Variants in NOL6 observed in about 807,000 individuals in gnomAD.
NOL6 encodes nucleolar protein 6, also known as nucleolar RNA-associated protein.
In NOL6, 33 loss-of-function variants were observed where a neutral mutation model predicts 131.7. The ratio of observed to expected loss-of-function variants is 0.25; its 90% CI spans 0.19 to 0.33. NOL6 has a LOEUF of 0.33. Ranked by LOEUF, NOL6 falls within the 10% of genes least tolerant of loss-of-function variation. The probability of loss-of-function intolerance (pLI) is 1.00; values close to 1 mark genes in which losing one functional copy is unlikely to be tolerated. For missense variants in NOL6, 1,297 were observed against 1,494.5 expected (o/e 0.87, Z 2.18); for synonymous variants, 580 against 605.7 (o/e 0.96, Z 0.62).
At position 33,468,116 on chromosome 9, in the gene NOL6, C is replaced by T; in HGVS notation, c.1338G>A (p.Met446Ile). Reference protein sequence around the residue: ...QVQHEARLSMMLLDSRADDGF... With the variant: ...QVQHEARLSMILLDSRADDGF... Reference sequence around the variant, plus strand: ...CGTCGTCAGCTCTGCTGTCCAGCAACATCATAGACAGCCGTGCCTCATGCT... The same window carrying T: ...CGTCGTCAGCTCTGCTGTCCAGCAATATCATAGACAGCCGTGCCTCATGCT... Residue 446 changes from methionine to isoleucine, a missense_variant, in exon 11 of 26, where the codon ATG becomes ATA. Met to Ile is a conservative substitution (Grantham distance 10). Coordinates refer to ENST00000297990, the MANE Select transcript of NOL6 (RefSeq NM_022917.5). The T allele has an allele frequency of 4.3e-6, 7 of 1,614,176 alleles. No individual in the cohort carries two copies. The highest frequency in any genetic ancestry group is 5.1e-6 in the Non-Finnish European group (6 of 1,180,032).
intron 24 of NOL6, 43 bp from the exon 25 acceptor site, chr9:33,463,177 A>G (rs1358591602): frequency 6.2e-7 from 1 of 1,609,612 alleles, no homozygotes; most frequent in Admixed American, 1.7e-5. Context: ...CAGGCATTTA[A>G]GAGCTCCTCC....
At chr9:33,471,559 C>T (rs142033842) in intron 3 of NOL6, among the ~76,000 whole-genome samples, 83 of 152,282 alleles carry the variant, frequency 5.5e-4, no homozygotes, top group African/African-American at 1.9e-3. Context: ...ATATAGCTGA[C>T]TCACCTACTT....
In NOL6 at chr9:33,466,087, T is replaced by C. The variant is rs1412747218; in HGVS notation, c.2348A>G (p.His783Arg). Residue 783 changes from histidine to arginine, a missense_variant, in exon 18 of 26, where the codon CAC becomes CGC. By Grantham distance (29) the His-to-Arg change is conservative (BLOSUM62 0). Coordinates refer to ENST00000297990, the MANE Select transcript of NOL6 (RefSeq NM_022917.5). The stretch of plus-strand genomic sequence containing the variant: ...CAGCCTAACCTTAAGGACATCCGTG[T>C]GCGTGGCAGTGGCACGGCACTGCAG... ...HGLQCRATAT[H>R]TDVLKDGFVF... The C allele has an allele frequency of 1.3e-6, 2 of 1,593,984 alleles. No homozygotes were observed. The highest frequency in any genetic ancestry group is 3.4e-5 in the Admixed American group (2 of 58,584).
chr9:33,465,511 T>C, intron 19 of NOL6, 152 bp from the exon 20 acceptor site: 1 of 1,136,478 alleles, frequency 8.8e-7, no homozygotes, highest in Non-Finnish European at 1.2e-6. Flanking sequence ...CCTAGTGTTA[T>C]TTCCATTTTA....
In NOL6 at chr9:33,472,044, T is replaced by C. The variant is rs779479573; in HGVS notation, c.338A>G (p.Asn113Ser). Residue 113 changes from asparagine to serine, a missense_variant, in exon 3 of 26, where the codon AAC becomes AGC. Coordinates refer to ENST00000297990, the MANE Select transcript of NOL6 (RefSeq NM_022917.5). ...TGAGGGCACCCTCACAACCCGCTGG[T>C]TGACCTCCCGTAGGAAGGCATCAAT... ...DRIDAFLREV[N>S]QRVVRVPSVP... The C allele has an allele frequency of 6.2e-6, 10 of 1,612,862 alleles. No individual in the cohort carries two copies. In the African/African-American group the frequency reaches 9.3e-5, roughly 15 times the overall value.
chr9:33,467,377 A>C lies in NOL6; in HGVS notation c.1725+17T>G. On this transcript the variant is annotated intron_variant, in intron 13 of 25. Transcript: ENST00000297990. The surrounding 1 kb of genome is among the most constrained non-coding windows in gnomAD (Gnocchi z 4.4). ...AGCCACCCCATTCCTTCCAGTGTAC[A>C]TGCTGGGGTCCCCCACCTCAGGCTG... The C allele has an allele frequency of 6.2e-7, 1 of 1,613,696 alleles. No individual in the cohort carries two copies. Among genetic ancestry groups the C allele is most frequent in the Non-Finnish European group, 8.5e-7 (1 of 1,179,704 alleles).
rs765593445 is a variant in NOL6, at chr9:33,467,834, G to A, written c.1459C>T (p.His487Tyr). The A allele has an allele frequency of 1.9e-6, 3 of 1,599,660 alleles. No individual in the cohort carries two copies. The highest frequency in any genetic ancestry group is 2.6e-6 in the Non-Finnish European group (3 of 1,172,868). The stretch of plus-strand genomic sequence containing the variant: ...AGCTCTGGCCAGAGCTTCAGCCGGT[G>A]GCACGCTGCCTGCAGGCGACTCAGT... ...RPLSRLQAAC[H>Y]RLKLWPELQD... Residue 487 changes from histidine (H) to tyrosine (Y), a missense_variant, in exon 12 of 26, where the codon CAC (histidine) becomes TAC (tyrosine). Coordinates refer to ENST00000297990, the MANE Select transcript of NOL6 (RefSeq NM_022917.5). The surrounding 1 kb of genome is among the most constrained non-coding windows in gnomAD (Gnocchi z 4.4).
Position 33,469,657 on chromosome 9 carries a change from T to C in NOL6, c.569A>G (p.Gln190Arg), listed in dbSNP as rs558159929. The change falls in exon 5 of 26, where the codon CAG becomes CGG. Residue 190 changes from glutamine to arginine, a missense_variant. Coordinates refer to ENST00000297990, the MANE Select transcript of NOL6 (RefSeq NM_022917.5). ...GCGCTGGTTCAGCCCGTCCTTGTCC[T>C]GTAGGATTTCCTGGAGGGGCCAGGG... ...VALTMPREIL[Q>R]DKDGLNQRYF... 1 of 1,610,384 alleles carries C rather than the reference T, an allele frequency of 6.2e-7. No individual in the cohort carries two copies. The highest frequency in any genetic ancestry group is 1.7e-5 in the Admixed American group (1 of 58,550).
In NOL6 at chr9:33,468,356, G is replaced by A. The variant is rs201426186; in HGVS notation, c.1273C>T (p.Leu425Phe). 2 of 1,614,148 alleles carry A rather than the reference G, an allele frequency of 1.2e-6. No homozygotes were observed. Among genetic ancestry groups the A allele is most frequent in the East Asian group, 4.5e-5 (2 of 44,884 alleles). ...VFLDSSGHLN[L>F]CADVTASTYH... is the part of the protein sequence containing the mutation. Reference sequence around the variant, plus strand: ...GTAGAGGCAGTGACATCAGCACAGAGGTTGAGATGGCCTGAGGAATCCAGG... The same window carrying A: ...GTAGAGGCAGTGACATCAGCACAGAAGTTGAGATGGCCTGAGGAATCCAGG... Residue 425 changes from leucine to phenylalanine, a missense_variant, in exon 10 of 26, where the codon CTC becomes TTC. Physicochemically the swap from Leu to Phe is conservative, Grantham distance 22 (BLOSUM62 0). Transcript: ENST00000297990.
chr9:33,473,743 G>C lies in NOL6; in HGVS notation c.54+46C>G, dbSNP rs1169092910. 9.3e-6 allele frequency: 15 copies of C among 1,605,620 alleles called. No homozygotes were observed. The Admixed American group carries it at 2.5e-4, about 27-fold the overall frequency. On this transcript the variant is annotated intron_variant, in intron 1 of 25. Transcript: ENST00000297990. ...ACGCCATCTCGGGCCCTGCAGCCAA[G>C]GGAGCGCACATTGAGCCTCTGTTCC...
intron 3 of NOL6, chr9:33,470,568 C>T (rs1010308839): frequency 1.3e-5 from 2 of 154,224 alleles, no homozygotes; most frequent in Admixed American, 1.3e-4. Context: ...GCCTGTAGTC[C>T]CAGCTGCTGG....
rs1214809396 is a variant in NOL6, at chr9:33,473,875, A to G, written c.-33T>C. 1.2e-6 allele frequency: 2 copies of G among 1,609,022 alleles called. No homozygotes were observed. Among genetic ancestry groups the G allele is most frequent in the Non-Finnish European group, 1.7e-6 (2 of 1,179,868 alleles). ...GGTCCAGCACTCTCCCGCACTTCAG[A>G]TTCTAGCCGGGTCTATACCTCATAG... On this transcript the variant is annotated 5_prime_UTR_variant, in exon 1 of 26. Coordinates refer to ENST00000297990, the MANE Select transcript of NOL6 (RefSeq NM_022917.5).
intron 17 of NOL6, 26 bp downstream of exon 17, chr9:33,466,282 C>T: frequency 3.1e-6 from 5 of 1,613,790 alleles, no homozygotes; most frequent in Non-Finnish European, 4.2e-6. Context: ...ACTATCCCTC[C>T]CACTCCCTCC....
intron 25 of NOL6, 58 bp from the exon 26 acceptor site, chr9:33,462,871 C>T (rs1432042434): frequency 1.9e-6 from 3 of 1,603,020 alleles, no homozygotes; most frequent in African/African-American, 2.7e-5. Context: ...CCCAGAGACA[C>T]CAAGCTGGGT....
intron 19 of NOL6, 40 bp from the exon 20 acceptor site, chr9:33,465,399 C>T (rs1415420045): frequency 1.3e-6 from 2 of 1,547,150 alleles, no homozygotes; most frequent in Non-Finnish European, 1.7e-6. Flanking sequence ...CTCAGGGCCC[C>T]ACTGCCACTG....
chr9:33,470,375 CCTTAA>C, intron 3 of NOL6, 184 bp from the exon 4 acceptor site: 1 of 468,558 alleles, frequency 2.1e-6, no homozygotes, highest in Non-Finnish European at 3.6e-6. Context: ...ACTTAAATCA[CCTTAA>C]CTTAGCTCTG....
intron 10 of NOL6, 61 bp from the exon 11 acceptor site, chr9:33,468,206 G>A (rs748533782): frequency 6.2e-7 from 1 of 1,612,946 alleles, no homozygotes; most frequent in Non-Finnish European, 8.5e-7. Context: ...TAGACCAGGA[G>A]ACATGCCCTA....
At chr9:33,464,810 G>C in intron 21 of NOL6, 69 bp downstream of exon 21, 1 of 1,176,188 alleles carries the variant, frequency 8.5e-7, no homozygotes, top group Non-Finnish European at 1.3e-6. Flanking sequence ...AACACTGCCA[G>C]GGAAACCCTT....
chr9:33,466,685 G>C lies in NOL6; in HGVS notation c.1975C>G (p.Leu659Val). Residue 659 changes from leucine to valine, a missense_variant, in exon 16 of 26, where the codon CTG becomes GTG. Physicochemically the swap from Leu to Val is conservative, Grantham distance 32. Transcript: ENST00000297990. ...KETSSTGEEA[L>V]VAAVRCYDDL... is the part of the protein sequence containing the mutation. ...TCGTAGCAACGTACCGCCGCTACCA[G>C]GGCCTCCTCACCTGTGCTGGAGGTC... 6.2e-7 allele frequency: 1 copy of C among 1,613,892 alleles called. No individual in the cohort carries two copies. Among genetic ancestry groups the C allele is most frequent in the Non-Finnish European group, 8.5e-7 (1 of 1,180,032 alleles).
Sources: gnomAD v4.1 joint callset for allele counts (sites outside exome capture counted in the v4.1 genomes callset) on GRCh38, gnomAD v4.1.1 for gene constraint, Gnocchi (gnomAD v3.1) non-coding constraint, MANE v1.5 for transcripts, NCBI Gene and HGNC (gene_info 2026-07-23, HGNC 2026-07-21) for gene names.